SON: variants seen among roughly 807,000 people sequenced by gnomAD.
The protein encoded by SON is protein SON.
SON carries 4 observed loss-of-function variants against 173.3 expected under a neutral mutation model. The observed-to-expected ratio is 0.02, with a 90% confidence interval of 0.01 to 0.05. The LOEUF is 0.05. Among genes scored for constraint, SON ranks in the 10% least tolerant of loss-of-function variants. The pLI is 1.00. For synonymous variants in SON, 1,190 were observed against 1,105.9 expected, an observed-to-expected ratio of 1.08 and a Z score of -1.51; for missense variants, 2,626 against 3,055.3, an observed-to-expected ratio of 0.86 and a Z score of 3.31.
chr21:33,566,475 C>T (rs1018853790), intron 6 of SON, among the ~76,000 whole-genome samples: 2 of 151,840 alleles, frequency 1.3e-5, no homozygotes, highest in Non-Finnish European at 2.9e-5. Context: ...TGAAAAGAAA[C>T]AAAAGTGTTT....
In SON at chr21:33,551,024, G is replaced by A. The variant is rs1441775247; in HGVS notation, c.1793G>A (p.Gly598Glu). 6.2e-7 allele frequency: 1 copy of A among 1,610,128 alleles called. No homozygotes were observed. The highest frequency in any genetic ancestry group is 1.1e-5 in the South Asian group (1 of 90,706). ...PVATGALELP[G>E]PLMAAGALEF... ...GCAACTGGGGCACTAGAGTTGCCTGGGCCGCTCATGGCAGCTGGGGCACTG... is the reference window on the plus strand; with the variant it reads ...GCAACTGGGGCACTAGAGTTGCCTGAGCCGCTCATGGCAGCTGGGGCACTG... The change falls in exon 3 of 12, where the codon GGG (glycine) becomes GAG (glutamate). Residue 598 changes from glycine to glutamate, a missense_variant. By Grantham distance (98) the Gly-to-Glu change is moderately conservative. This residue lies in a region of SON where 757 missense variants were observed against 730.1 expected (regional missense o/e 1.04). Coordinates refer to ENST00000356577, the MANE Select transcript of SON (RefSeq NM_138927.4).
In SON at chr21:33,550,484, G is replaced by T; in HGVS notation, c.1253G>T (p.Gly418Val). Residue 418 changes from glycine to valine, a missense_variant, in exon 3 of 12, where the codon GGG becomes GTG. Transcript: ENST00000356577. ...PSATPVPELP[G>V]PLSTPVPELP... ...GCTACCCCGGTGCCAGAGTTGCCAG[G>T]GCCCCTTTCTACCCCAGTGCCTGAG... 2 of 1,613,816 alleles carry T rather than the reference G, an allele frequency of 1.2e-6. No homozygotes were observed. The highest frequency in any genetic ancestry group is 1.7e-6 in the Non-Finnish European group (2 of 1,179,884).
chr21:33,562,808 A>T (rs1195529744), intron 6 of SON, among the ~76,000 whole-genome samples: 1 of 152,194 alleles, frequency 6.6e-6, no homozygotes, highest in Non-Finnish European at 1.5e-5. Context: ...TAATAAAGTT[A>T]GTAGAGGTTT....
Position 33,543,445 on chromosome 21 carries a change from C to A in SON, c.77+276C>A, listed in dbSNP as rs758301516. 8.4e-6 allele frequency: 4 copies of A among 475,374 alleles called. No individual in the cohort carries two copies. In the Admixed American group the frequency reaches 1.0e-4, roughly 12 times the overall value. 29.4% of individuals were successfully genotyped at this position (475,374 alleles called of 1,614,324 possible). On this transcript the variant is annotated intron_variant, in intron 1 of 11. Transcript: ENST00000356577. Reference sequence around the variant, plus strand: ...CACCCTTCTCCCCTGTTTGGGTCCCCCCTGCCGTTTAGCTACTCGTAGGCC... The same window carrying A: ...CACCCTTCTCCCCTGTTTGGGTCCCACCTGCCGTTTAGCTACTCGTAGGCC...
chr21:33,573,221 AT>A, intron 8 of SON, 86 bp from the exon 9 acceptor site: 1 of 1,117,920 alleles, frequency 8.9e-7, no homozygotes. Context: ...GTAAAGTAAG[AT>A]TCCTCTTTTT....
intron 2 of SON, chr21:33,546,759 C>A (rs139215564): frequency 0.085 from 13,016 of 152,660 alleles, 780 homozygotes; most frequent in East Asian, 0.25. Context: ...CCAGCCTGGG[C>A]GACAAGAATG....
rs779500741 is a variant in SON at position 33,554,107 on chromosome 21, TATG to T, written c.4880_4882del (p.Asp1627del). ...ATCTACTCTCAGTTTAGTTAATAAA[TATG>T]ATGTTGATTTATCTTTAACTACTCA... On this transcript the variant is annotated inframe_deletion, in exon 3 of 12. Coordinates refer to ENST00000356577, the MANE Select transcript of SON (RefSeq NM_138927.4). 79 of 1,613,828 alleles carry T rather than the reference TATG, an allele frequency of 4.9e-5. No individual in the cohort carries two copies. The highest frequency in any genetic ancestry group is 1.6e-4 in the Middle Eastern group (1 of 6,062).
chr21:33,544,262 G>GT (rs2145795879), intron 1 of SON, among the ~76,000 whole-genome samples: 1 of 152,310 alleles, frequency 6.6e-6, no homozygotes, highest in South Asian at 2.1e-4. Context: ...AGAATGTGTT[G>GT]TTTTTTAAGT....
At position 33,554,227 on chromosome 21, in the gene SON, C is replaced by G. The variant is rs776908520; in HGVS notation, c.4996C>G (p.Leu1666Val). Residue 1666 changes from leucine to valine, a missense_variant, in exon 3 of 12, where the codon CTT becomes GTT. By Grantham distance (32) the Leu-to-Val change is conservative. This residue lies in a region of SON where 1,006 missense variants were observed against 895.6 expected (regional missense o/e 1.12). Transcript: ENST00000356577. ...EGPLPAKDIH[L>V]DLPSNNNLVS... Reference sequence around the variant, plus strand: ...GCCTTTGCCTGCTAAAGATATTCATCTTGATTTACCATCTAATAATAACCT... The same window carrying G: ...GCCTTTGCCTGCTAAAGATATTCATGTTGATTTACCATCTAATAATAACCT... 2.5e-6 allele frequency: 4 copies of G among 1,613,972 alleles called. No homozygotes were observed. The highest frequency in any genetic ancestry group is 3.4e-6 in the Non-Finnish European group (4 of 1,179,976).
chr21:33,575,479 T>C (rs2086379682), intron 9 of SON, 117 bp from the exon 10 acceptor site: 1 of 593,082 alleles, frequency 1.7e-6, no homozygotes, highest in African/African-American at 1.9e-5. Context: ...TCGAGTGTAC[T>C]AGGAATCTGC....
rs1042711509 is a variant in SON at position 33,549,824 on chromosome 21, A to G, written c.593A>G (p.Glu198Gly). Residue 198 changes from glutamate to glycine, a missense_variant, in exon 3 of 12, where the codon GAG (glutamate) becomes GGG (glycine). This residue lies in a region of SON where 757 missense variants were observed against 730.1 expected (regional missense o/e 1.04). Coordinates refer to ENST00000356577, the MANE Select transcript of SON (RefSeq NM_138927.4). ...CCTGTAGTATCAATGGAGGTATCAG[A>G]GCCACACATCTTAGAAACTCTGAAG... ...EPPVVSMEVS[E>G]PHILETLKPA... 2 of 1,614,148 alleles carry G rather than the reference A, an allele frequency of 1.2e-6. No homozygotes were observed. Among genetic ancestry groups the G allele is most frequent in the African/African-American group, 2.7e-5 (2 of 74,952 alleles).
intron 2 of SON, 127 bp from the exon 3 acceptor site, chr21:33,549,349 A>G (rs2085698845): frequency 2.8e-6 from 2 of 720,908 alleles, no homozygotes; most frequent in Non-Finnish European, 4.2e-6. Context: ...CTAAGATTAC[A>G]GGCGTGAGCC....
At chr21:33,556,312 A>C (rs536586260) in intron 3 of SON, among the ~76,000 whole-genome samples, 1 of 152,318 alleles carries the variant, frequency 6.6e-6, no homozygotes, top group South Asian at 2.1e-4. Context: ...TCTAAAAAGG[A>C]CAGAATGTGA....
chr21:33,562,258 T>A (rs1164548158), intron 6 of SON, among the ~76,000 whole-genome samples: 1 of 152,224 alleles, frequency 6.6e-6, no homozygotes, highest in Admixed American at 6.5e-5. Context: ...ATACTTTTGG[T>A]AACACTTCGT....
intron 2 of SON, among the ~76,000 whole-genome samples, 197 bp from the exon 3 acceptor site, chr21:33,549,279 T>C (rs2085696981): frequency 6.6e-6 from 1 of 152,180 alleles, no homozygotes; most frequent in African/African-American, 2.4e-5. Context: ...TTCACCATGC[T>C]GGCCAGGCTG....
intron 6 of SON, among the ~76,000 whole-genome samples, chr21:33,565,846 C>T (rs1389153127): frequency 6.6e-6 from 1 of 152,054 alleles, no homozygotes; most frequent in Admixed American, 6.5e-5. Context: ...AGAATCCATA[C>T]TTAAAGAAAA....
At chr21:33,567,683 C>G (rs530173188) in intron 7 of SON, among the ~76,000 whole-genome samples, 1 of 151,976 alleles carries the variant, frequency 6.6e-6, no homozygotes, top group South Asian at 2.1e-4. Flanking sequence ...TTTGGGAGGC[C>G]GAGGTGGGGG....
chr21:33,552,440 A>G lies in SON; in HGVS notation c.3209A>G (p.Tyr1070Cys), dbSNP rs780163221. 5 of 1,613,854 alleles carry G rather than the reference A, an allele frequency of 3.1e-6. No individual in the cohort carries two copies. In the Admixed American group the frequency reaches 6.7e-5, roughly 22 times the overall value. ...SAYERSMMSAYERSMMSPMAD... is the reference protein window; with the variant it reads ...SAYERSMMSACERSMMSPMAD... ...TATGAACGCTCCATGATGTCAGCTT[A>G]TGAACGCTCCATGATGTCCCCAATG... The change falls in exon 3 of 12, where the codon TAT becomes TGT. Residue 1070 changes from tyrosine (Y) to cysteine (C), a missense_variant. Tyr to Cys is a radical substitution (Grantham distance 194). Coordinates refer to ENST00000356577, the MANE Select transcript of SON (RefSeq NM_138927.4). The surrounding 1 kb of genome is among the most constrained non-coding windows in gnomAD (Gnocchi z 5.6).
At chr21:33,556,095 C>T (rs2085960920) in intron 3 of SON, among the ~76,000 whole-genome samples, 1 of 152,100 alleles carries the variant, frequency 6.6e-6, no homozygotes, top group African/African-American at 2.4e-5. Context: ...TTATCCTTAT[C>T]CCAGTATACT....
Sources: allele counts gnomAD v4.1 joint callset (sites outside exome capture counted in the v4.1 genomes callset), GRCh38; gene constraint gnomAD v4.1.1; regional missense constraint gnomAD v4.1.1; non-coding constraint Gnocchi (gnomAD v3.1); transcripts MANE v1.5; gene names NCBI Gene and HGNC (gene_info 2026-07-23, HGNC 2026-07-21).